PPME1: variants seen among roughly 807,000 people sequenced by gnomAD.
The protein encoded by PPME1 is protein phosphatase methylesterase 1.
In PPME1, 17 loss-of-function variants were observed where a neutral mutation model predicts 56.9. That is an observed-to-expected ratio of 0.30 (90% CI 0.20 to 0.45). The LOEUF (loss-of-function observed/expected upper bound fraction) is 0.45. Among genes scored for constraint, PPME1 ranks in the 20% least tolerant of loss-of-function variants. The probability of loss-of-function intolerance (pLI) is 1.00; values close to 1 mark genes in which losing one functional copy is unlikely to be tolerated. For synonymous variants in PPME1, 122 were observed against 156.2 expected (o/e 0.78, Z 1.63); for missense variants, 357 against 483.2 (o/e 0.74, Z 2.45).
At chr11:74,198,856 G>A (rs751635915) in intron 1 of PPME1, 7 of 152,112 alleles carry the variant, frequency 4.6e-5, no homozygotes, top group Non-Finnish European at 1.0e-4. Context: ...GCCATAGACT[G>A]GCTCTTCATT....
At chr11:74,209,329 C>G (rs1858411384) in intron 3 of PPME1, among the ~76,000 whole-genome samples, 1 of 152,070 alleles carries the variant, frequency 6.6e-6, no homozygotes, top group Non-Finnish European at 1.5e-5. Context: ...TCTTGAACAC[C>G]TGGCCTCAAG....
chr11:74,223,309 A>T (rs1364699688), intron 4 of PPME1, among the ~76,000 whole-genome samples: 2 of 151,278 alleles, frequency 1.3e-5, no homozygotes, highest in Non-Finnish European at 2.9e-5. Flanking sequence ...TCCATGGTGT[A>T]TATGTGCCAC....
intron 1 of PPME1, among the ~76,000 whole-genome samples, chr11:74,173,043 G>A (rs1176019512): frequency 6.6e-6 from 1 of 152,188 alleles, no homozygotes; most frequent in Non-Finnish European, 1.5e-5. Context: ...GTGGAGACCT[G>A]CTATGATACG....
chr11:74,200,160 C>A (rs751047240), intron 1 of PPME1, among the ~76,000 whole-genome samples: 1 of 152,180 alleles, frequency 6.6e-6, no homozygotes, highest in African/African-American at 2.4e-5. Context: ...ACTATAATGA[C>A]TATAAAGTAT....
At chr11:74,177,166 AAGAAATAGTCCTGGC>A (rs1281555410) in intron 1 of PPME1, among the ~76,000 whole-genome samples, 4 of 152,136 alleles carry the variant, frequency 2.6e-5, no homozygotes, top group Non-Finnish European at 5.9e-5. Context: ...CACTACAATA[AAGAAATAGTCCTGGC>A]CAGGCTCAGT....
At chr11:74,251,113 T>G in intron 12 of PPME1, 95 bp downstream of exon 12, 1 of 1,531,900 alleles carries the variant, frequency 6.5e-7, no homozygotes, top group South Asian at 1.2e-5. Context: ...CTGCATTGCC[T>G]GCAGCAGCTG....
At chr11:74,239,043 T>C in intron 8 of PPME1, 90 bp from the exon 9 acceptor site, 1 of 1,280,882 alleles carries the variant, frequency 7.8e-7, no homozygotes, top group South Asian at 1.5e-5. Flanking sequence ...AGCTAACATT[T>C]GATTATAAAA....
At position 74,204,391 on chromosome 11, in the gene PPME1, C is replaced by A; in HGVS notation, c.234C>A (p.Val78=). 6.2e-7 allele frequency: 1 copy of A among 1,613,510 alleles called. No individual in the cohort carries two copies. The highest frequency in any genetic ancestry group is 8.5e-7 in the Non-Finnish European group (1 of 1,179,586). ...RVYKSGSEGP[V]LLLLHGGGHS... The stretch of plus-strand genomic sequence containing the variant: ...ACAAGAGTGGTTCAGAGGGTCCAGT[C>A]CTGCTCCTTCTGCATGGAGGAGGTC... The change falls in exon 3 of 14, where the codon GTC becomes GTA. Residue 78 remains valine, a synonymous_variant. Coordinates refer to ENST00000328257, the MANE Select transcript of PPME1 (RefSeq NM_016147.3).
chr11:74,228,563 C>T (rs939084974), intron 5 of PPME1, among the ~76,000 whole-genome samples: 33 of 152,254 alleles, frequency 2.2e-4, no homozygotes, highest in South Asian at 4.1e-4. Context: ...AGTAGTGGAA[C>T]ACTAGCATAA....
At chr11:74,252,323 A>G (rs1421890224) in intron 13 of PPME1, 2 of 393,264 alleles carry the variant, frequency 5.1e-6, no homozygotes, top group Non-Finnish European at 1.0e-5. Context: ...CCTGGCCTCA[A>G]GTGATCCACC....
chr11:74,182,687 G>A (rs1002459369), intron 1 of PPME1, among the ~76,000 whole-genome samples: 1 of 152,120 alleles, frequency 6.6e-6, no homozygotes, highest in Non-Finnish European at 1.5e-5. Flanking sequence ...GGTTCTCATT[G>A]CCTGAACATA....
chr11:74,188,560 A>G (rs1857751685), intron 1 of PPME1, among the ~76,000 whole-genome samples: 1 of 152,166 alleles, frequency 6.6e-6, no homozygotes, highest in African/African-American at 2.4e-5. Flanking sequence ...AATTAAGATT[A>G]TAGGGTTTTT....
chr11:74,175,918 T>C (rs1021231761), intron 1 of PPME1, among the ~76,000 whole-genome samples: 1 of 152,220 alleles, frequency 6.6e-6, no homozygotes, highest in African/African-American at 2.4e-5. Context: ...CATTGTTCTT[T>C]CTATAGCTTG....
At chr11:74,178,425 C>A (rs1857451482) in intron 1 of PPME1, among the ~76,000 whole-genome samples, 1 of 152,140 alleles carries the variant, frequency 6.6e-6, no homozygotes, top group African/African-American at 2.4e-5. Flanking sequence ...TTGATTCATT[C>A]CCTTGGACTG....
intron 12 of PPME1, chr11:74,251,440 C>T (rs1859657931): frequency 7.1e-7 from 1 of 1,409,092 alleles, no homozygotes; most frequent in African/African-American, 1.4e-5. Context: ...TCCTCTTGAG[C>T]TCTATGGAGC....
At position 74,250,982 on chromosome 11, in the gene PPME1, G is replaced by C. The variant is rs1565398027; in HGVS notation, c.1038G>C (p.Gln346His). The C allele has an allele frequency of 6.2e-7, 1 of 1,602,450 alleles. No homozygotes were observed. Among genetic ancestry groups the C allele is most frequent in the Non-Finnish European group, 8.5e-7 (1 of 1,174,428 alleles). The change falls in exon 12 of 14, where the codon CAG (glutamine) becomes CAC (histidine). Residue 346 changes from glutamine to histidine, a missense_variant. Gln to His is a conservative substitution (Grantham distance 24, BLOSUM62 0). Transcript: ENST00000328257. ...QGKFQMQVLP[Q>H]CGHAVHEDAP... is the part of the protein sequence containing the mutation. The stretch of plus-strand genomic sequence containing the variant: ...AGTTCCAGATGCAGGTCCTACCCCA[G>C]TGTGGCCATGCAGTCCATGAGGATG...
At chr11:74,181,756 A>G (rs1327066132) in intron 1 of PPME1, among the ~76,000 whole-genome samples, 1 of 152,212 alleles carries the variant, frequency 6.6e-6, no homozygotes, top group Non-Finnish European at 1.5e-5. Context: ...CTGTCATTTT[A>G]CCAGGAATCA....
chr11:74,224,181 C>T (rs1358371751), intron 4 of PPME1, among the ~76,000 whole-genome samples: 2 of 148,010 alleles, frequency 1.4e-5, no homozygotes, highest in Non-Finnish European at 3.0e-5. Context: ...GTTTTCCCAG[C>T]ACCATTTATT....
At position 74,230,943 on chromosome 11, in the gene PPME1, G is replaced by T; in HGVS notation, c.585G>T (p.Gln195His). 1 of 1,604,714 alleles carries T rather than the reference G, an allele frequency of 6.2e-7. No individual in the cohort carries two copies. Among genetic ancestry groups the T allele is most frequent in the Non-Finnish European group, 8.5e-7 (1 of 1,175,438 alleles). ...GTAMDALNSMQNFLRGRPKTF... is the reference protein window; with the variant it reads ...GTAMDALNSMHNFLRGRPKTF... ...CTATGGATGCACTTAATAGCATGCA[G>T]AATTTCTTACGGGGTCGTCCTAAAA... Residue 195 changes from glutamine to histidine, a missense_variant, in exon 7 of 14, where the codon CAG (glutamine) becomes CAT (histidine). By Grantham distance (24) the Gln-to-His change is conservative. Transcript: ENST00000328257. This position sits in a 1 kb window ranked among gnomAD's most constrained non-coding sequence, Gnocchi z 4.9.
Sources: gnomAD v4.1 joint callset for allele counts (sites outside exome capture counted in the v4.1 genomes callset) on GRCh38, gnomAD v4.1.1 for gene constraint, Gnocchi (gnomAD v3.1) non-coding constraint, MANE v1.5 for transcripts, NCBI Gene and HGNC (gene_info 2026-07-23, HGNC 2026-07-21) for gene names.